Variants in PSMB7 observed in about 807,000 individuals in gnomAD.
PSMB7 encodes proteasome 20S subunit beta 7, also known as proteasome subunit beta type-7.
In PSMB7, 5 loss-of-function variants were observed where a neutral mutation model predicts 28.1. The observed-to-expected ratio is 0.18, with a 90% CI of 0.09 to 0.37. The LOEUF (loss-of-function observed/expected upper bound fraction) is 0.37. Among genes scored for constraint, PSMB7 ranks in the 10% least tolerant of loss-of-function variants. The probability of loss-of-function intolerance (pLI) is 1.00; values close to 1 mark genes in which losing one functional copy is unlikely to be tolerated. For synonymous variants in PSMB7, 122 were observed against 123.7 expected, an observed-to-expected ratio of 0.99 and a Z score of 0.09; for missense variants, 275 against 346.2, an observed-to-expected ratio of 0.79 and a Z score of 1.63.
intron 5 of PSMB7, among the ~76,000 whole-genome samples, chr9:124,386,809 T>C (rs528984452): frequency 1.3e-5 from 2 of 151,744 alleles, no homozygotes; most frequent in Non-Finnish European, 2.9e-5. Context: ...TCCGGGGCCA[T>C]TCCTTTCCTT....
Position 124,405,358 on chromosome 9 carries a change from T to C in PSMB7, c.470A>G (p.Tyr157Cys). ...DVTGPHLYSI[Y>C]PHGSTDKLPY... ...CAACTTATCAGTTGATCCATGAGGA[T>C]AGATGCTGTAGAGGTGAGGTCCAGT... is the stretch of plus-strand genomic sequence containing the variant. Residue 157 changes from tyrosine (Y) to cysteine (C), a missense_variant, in exon 5 of 8, where the codon TAT (tyrosine) becomes TGT (cysteine). Physicochemically the swap from Tyr to Cys is radical, Grantham distance 194. Around this residue, in one of 2 missense-constraint regions of PSMB7, gnomAD observed 213 missense variants for 302.4 expected, o/e 0.70. Coordinates refer to ENST00000259457, the MANE Select transcript of PSMB7 (RefSeq NM_002799.4). The C allele has an allele frequency of 6.2e-7, 1 of 1,613,934 alleles. No homozygotes were observed. Among genetic ancestry groups the C allele is most frequent in the Non-Finnish European group, 8.5e-7 (1 of 1,179,846 alleles).
chr9:124,402,486 G>C (rs1197186431), intron 5 of PSMB7, among the ~76,000 whole-genome samples: 1 of 152,186 alleles, frequency 6.6e-6, no homozygotes, highest in African/African-American at 2.4e-5. Context: ...TGACAGAAGA[G>C]AACATCTTGA....
chr9:124,389,803 CTT>C (rs1232021486), intron 5 of PSMB7, among the ~76,000 whole-genome samples: 1 of 152,220 alleles, frequency 6.6e-6, no homozygotes, highest in Non-Finnish European at 1.5e-5. Context: ...CACAGACCCT[CTT>C]GTCACCCACA....
At chr9:124,379,722 T>C (rs1017898184) in intron 6 of PSMB7, among the ~76,000 whole-genome samples, 3 of 152,372 alleles carry the variant, frequency 2.0e-5, no homozygotes, top group Admixed American at 2.0e-4. Context: ...TCATTTTCCC[T>C]GTGTCCTTAA....
At chr9:124,357,627 C>T (rs1830422655) in intron 6 of PSMB7, among the ~76,000 whole-genome samples, 1 of 152,226 alleles carries the variant, frequency 6.6e-6, no homozygotes, top group South Asian at 2.1e-4. Context: ...CCTTTAAACA[C>T]AAATCCCCAT....
intron 5 of PSMB7, among the ~76,000 whole-genome samples, chr9:124,395,634 T>C (rs912305010): frequency 2.0e-5 from 3 of 152,188 alleles, no homozygotes; most frequent in Admixed American, 6.5e-5. Context: ...CACACAGTGA[T>C]GTACAGAGCG....
At chr9:124,402,018 C>CAAAA (rs34981907) in intron 5 of PSMB7, among the ~76,000 whole-genome samples, 3 of 123,864 alleles carry the variant, frequency 2.4e-5, no homozygotes, top group African/African-American at 3.4e-5. Flanking sequence ...GACTCAGTCT[C>CAAAA]AAAAAAAAAA....
intron 5 of PSMB7, among the ~76,000 whole-genome samples, chr9:124,399,725 G>T (rs914757557): frequency 9.9e-5 from 15 of 152,170 alleles, no homozygotes; most frequent in Non-Finnish European, 2.9e-5. Flanking sequence ...AGAAACCCAG[G>T]ATGTGGCCCA....
intron 1 of PSMB7, chr9:124,415,143 A>T: frequency 1.6e-6 from 1 of 633,414 alleles, no homozygotes; most frequent in Non-Finnish European, 2.7e-6. Context: ...TAGGAGACGG[A>T]GATAAACGGT....
chr9:124,404,944 A>C (rs928925727), intron 5 of PSMB7, among the ~76,000 whole-genome samples: 1 of 152,178 alleles, frequency 6.6e-6, no homozygotes, highest in Non-Finnish European at 1.5e-5. Flanking sequence ...TTCAGATTTC[A>C]GACTATAAAA....
rs1405761910 is a variant in PSMB7, at chr9:124,368,421, T to TA, written c.571-11507dup. On this transcript the variant is annotated intron_variant, in intron 6 of 7. Coordinates refer to ENST00000259457, the MANE Select transcript of PSMB7 (RefSeq NM_002799.4). ...ACATTCCAACACTCATCTGGCTTGT[T>TA]ACATTTGGTAAAATTAAACACATCC... Among the ~76,000 whole-genome samples, 5 of 152,378 alleles carry TA rather than the reference T, an allele frequency of 3.3e-5. No homozygotes were observed. The South Asian group carries it at 1.0e-3, about 32-fold the overall frequency.
chr9:124,379,223 A>G lies in PSMB7; in HGVS notation c.570+5375T>C, dbSNP rs116159817. Among the ~76,000 whole-genome samples, 328 of 152,388 alleles carry G rather than the reference A, an allele frequency of 2.2e-3. 2 individuals carry two copies. The highest frequency in any genetic ancestry group is 7.4e-3 in the African/African-American group (307 of 41,598). On this transcript the variant is annotated intron_variant, in intron 6 of 7. Transcript: ENST00000259457. ...ACCTTCATTTCCATCACAGCTAAGT[A>G]GTGTGAACACTAAAGGTGAAATTAT...
intron 6 of PSMB7, among the ~76,000 whole-genome samples, chr9:124,382,332 C>T (rs536446699): frequency 1.6e-5 from 2 of 122,990 alleles, no homozygotes; most frequent in South Asian, 2.8e-4. Flanking sequence ...CTCAGCCTCC[C>T]GAGTAGCTGG....
chr9:124,385,860 C>T (rs1830713368), intron 5 of PSMB7, among the ~76,000 whole-genome samples: 1 of 152,286 alleles, frequency 6.6e-6, no homozygotes, highest in South Asian at 2.1e-4. Context: ...ACTACCTTAT[C>T]TGAACCATTT....
intron 5 of PSMB7, among the ~76,000 whole-genome samples, chr9:124,388,833 TGA>T (rs1830754014): frequency 6.6e-6 from 1 of 152,176 alleles, no homozygotes; most frequent in Non-Finnish European, 1.5e-5. Context: ...AAACTCCAGC[TGA>T]GAGATCACTT....
chr9:124,382,225 T>TA (rs1564680188), intron 6 of PSMB7, among the ~76,000 whole-genome samples: 1 of 105,710 alleles, frequency 9.5e-6, no homozygotes, highest in Non-Finnish European at 1.9e-5. Context: ...TTTTTTTTTT[T>TA]GAGACAAAGT....
chr9:124,408,423 G>A (rs975187761), intron 4 of PSMB7, among the ~76,000 whole-genome samples: 7 of 152,088 alleles, frequency 4.6e-5, no homozygotes, highest in African/African-American at 7.2e-5. Flanking sequence ...ACCTTAAAAT[G>A]GGCAATATCA....
At position 124,414,899 on chromosome 9, in the gene PSMB7, T is replaced by G; in HGVS notation, c.99A>C (p.Gly33=). The G allele has an allele frequency of 6.2e-7, 1 of 1,613,230 alleles. No individual in the cohort carries two copies. Among genetic ancestry groups the G allele is most frequent in the South Asian group, 1.1e-5 (1 of 90,986 alleles). The change falls in exon 2 of 8, where the codon GGA becomes GGC. Residue 33 remains glycine (G), a synonymous_variant. Coordinates refer to ENST00000259457, the MANE Select transcript of PSMB7 (RefSeq NM_002799.4). Reference sequence around the variant, plus strand: ...TTTTCCGGACCTTTGGAAGCTTGTATCCCCTCTTTGCAAAATCGGCTTCCA... The same window carrying G: ...TTTTCCGGACCTTTGGAAGCTTGTAGCCCCTCTTTGCAAAATCGGCTTCCA... ...AVLEADFAKR[G]YKLPKVRKTG... is the part of the protein sequence containing the mutation.
At chr9:124,361,369 C>A (rs566489411) in intron 6 of PSMB7, among the ~76,000 whole-genome samples, 1 of 152,280 alleles carries the variant, frequency 6.6e-6, no homozygotes, top group East Asian at 1.9e-4. Context: ...GTAAAAGGCA[C>A]AAAGAGGTCC....
Sources: gnomAD v4.1 joint callset for allele counts (sites outside exome capture counted in the v4.1 genomes callset) on GRCh38, gnomAD v4.1.1 for gene constraint, gnomAD v4.1.1 regional missense constraint, MANE v1.5 for transcripts, NCBI Gene and HGNC (gene_info 2026-07-23, HGNC 2026-07-21) for gene names.